NRDC: variants seen among roughly 807,000 people sequenced by gnomAD.
NRDC encodes nardilysin convertase.
A neutral mutation model predicts 147.1 loss-of-function variants in NRDC; 54 were observed. That is an observed-to-expected ratio of 0.37 (90% confidence interval 0.29 to 0.46). The LOEUF (loss-of-function observed/expected upper bound fraction) is 0.46. Among genes scored for constraint, NRDC ranks in the 20% least tolerant of loss-of-function variants. The pLI, the probability that NRDC is intolerant of heterozygous loss-of-function variation, is 1.00. For missense variants in NRDC, 1,082 were observed against 1,370.6 expected, an observed-to-expected ratio of 0.79 and a Z score of 3.33; for synonymous variants, 440 against 482.1, an observed-to-expected ratio of 0.91 and a Z score of 1.14.
chr1:51,831,661 C>T (rs1208413464), intron 4 of NRDC, among the ~76,000 whole-genome samples: 1 of 151,918 alleles, frequency 6.6e-6, no homozygotes, highest in Non-Finnish European at 1.5e-5. Context: ...TCACTGCAAC[C>T]TCCGTCTCCC....
At chr1:51,874,423 C>G (rs920952502) in intron 1 of NRDC, among the ~76,000 whole-genome samples, 11 of 152,050 alleles carry the variant, frequency 7.2e-5, no homozygotes, top group African/African-American at 2.7e-4. Context: ...TTGAGACCAG[C>G]CTAGGCAAAA....
At chr1:51,857,584 C>T (rs1378278428) in intron 1 of NRDC, among the ~76,000 whole-genome samples, 1 of 152,186 alleles carries the variant, frequency 6.6e-6, no homozygotes, top group East Asian at 1.9e-4. Flanking sequence ...GTGGTAAGTT[C>T]TCGCTGAGAT....
chr1:51,795,006 A>G (rs1327789047), intron 22 of NRDC, 152 bp from the exon 23 acceptor site: 8 of 1,502,170 alleles, frequency 5.3e-6, no homozygotes, highest in Non-Finnish European at 7.1e-6. Flanking sequence ...CAAGTTATTC[A>G]TTGACTGATT....
rs892243813 is a variant in NRDC, at chr1:51,821,105, T to C, written c.1217+393A>G. ...TTTTATGGGGAAAACCAGTGCAATA[T>C]CCAAACAACTGACTTAAAAAAAACA... On this transcript the variant is annotated intron_variant, in intron 8 of 30. Transcript: ENST00000352171. Among the ~76,000 whole-genome samples, 4 of 152,042 alleles carry C rather than the reference T, an allele frequency of 2.6e-5. 1 individual carries two copies. Among genetic ancestry groups the C allele is most frequent in the Admixed American group, 2.6e-4 (4 of 15,272 alleles).
At chr1:51,819,496 T>C (rs758561281) in intron 9 of NRDC, among the ~76,000 whole-genome samples, 1 of 152,064 alleles carries the variant, frequency 6.6e-6, no homozygotes, top group African/African-American at 2.4e-5. Flanking sequence ...GAGCAGAATA[T>C]AAATAAAATG....
chr1:51,846,098 G>A (rs1402245928), intron 1 of NRDC, among the ~76,000 whole-genome samples: 2 of 151,542 alleles, frequency 1.3e-5, no homozygotes, highest in African/African-American at 2.4e-5. Flanking sequence ...GAGATACAAA[G>A]ATATTTTACA....
At chr1:51,878,157 T>G (rs549429441) in intron 1 of NRDC, 118 bp downstream of exon 1, 2 of 1,438,566 alleles carry the variant, frequency 1.4e-6, no homozygotes, top group South Asian at 2.8e-5. Context: ...AGGAAGCATT[T>G]GGGGTGGAAA....
In NRDC at chr1:51,798,327, C is replaced by G. The variant is rs762203307; in HGVS notation, c.2526G>C (p.Glu842Asp). 6.2e-7 allele frequency: 1 copy of G among 1,614,100 alleles called. No individual in the cohort carries two copies. Among genetic ancestry groups the G allele is most frequent in the Non-Finnish European group, 8.5e-7 (1 of 1,179,986 alleles). The change falls in exon 22 of 31, where the codon GAG becomes GAC. Residue 842 changes from glutamate (E) to aspartate (D), a missense_variant. Around this residue, in one of 3 missense-constraint regions of NRDC, gnomAD observed 635 missense variants for 923.8 expected, o/e 0.69. Coordinates refer to ENST00000352171, the MANE Select transcript of NRDC (RefSeq NM_001101662.2). ...ATTCTTTGACGAAGCTCAGCAGAGA[C>G]TCAAGGGAAAGGCCGTCCATCAAAG... is the stretch of plus-strand genomic sequence containing the variant. Reference protein sequence around the residue: ...YQALMDGLSLESLLSFVKEFK... With the variant: ...YQALMDGLSLDSLLSFVKEFK...
At chr1:51,852,082 C>G (rs1405166427) in intron 1 of NRDC, among the ~76,000 whole-genome samples, 3 of 152,112 alleles carry the variant, frequency 2.0e-5, no homozygotes, top group African/African-American at 4.8e-5. Flanking sequence ...AGCTGAGAAA[C>G]TGAGGCTCTA....
chr1:51,863,324 C>T (rs945046949), intron 1 of NRDC, among the ~76,000 whole-genome samples: 1 of 152,038 alleles, frequency 6.6e-6, no homozygotes, highest in Non-Finnish European at 1.5e-5. Flanking sequence ...ATCACTTGAA[C>T]CCGGGAGGCA....
At chr1:51,808,865 T>C (rs1679585484) in intron 17 of NRDC, among the ~76,000 whole-genome samples, 1 of 152,234 alleles carries the variant, frequency 6.6e-6, no homozygotes, top group South Asian at 2.1e-4. Flanking sequence ...ACTTTGCTAT[T>C]TTCTATTCTA....
At chr1:51,830,437 TTG>T (rs1290506524) in intron 4 of NRDC, among the ~76,000 whole-genome samples, 4 of 152,174 alleles carry the variant, frequency 2.6e-5, no homozygotes, top group African/African-American at 9.7e-5. Flanking sequence ...GAAAAAATAT[TTG>T]TAACAATTTA....
chr1:51,845,593 A>C (rs1681517112), intron 1 of NRDC, among the ~76,000 whole-genome samples: 2 of 151,590 alleles, frequency 1.3e-5, no homozygotes, highest in South Asian at 4.2e-4. Flanking sequence ...ACTCCGTCAC[A>C]AAAAAAAGAA....
At chr1:51,871,827 G>C (rs1683098644) in intron 1 of NRDC, among the ~76,000 whole-genome samples, 1 of 152,088 alleles carries the variant, frequency 6.6e-6, no homozygotes, top group African/African-American at 2.4e-5. Flanking sequence ...AAGCAAAAGA[G>C]CTTTTACCAT....
chr1:51,868,259 A>T (rs1216468435), intron 1 of NRDC, among the ~76,000 whole-genome samples: 2 of 152,214 alleles, frequency 1.3e-5, no homozygotes, highest in Admixed American at 6.5e-5. Flanking sequence ...GGGCCACACA[A>T]GAGTCACTAA....
At chr1:51,868,157 TC>T (rs1233745243) in intron 1 of NRDC, among the ~76,000 whole-genome samples, 1 of 151,946 alleles carries the variant, frequency 6.6e-6, no homozygotes, top group African/African-American at 2.4e-5. Context: ...AGAAACAAAT[TC>T]TCTCCCTTCA....
rs563832716 is a variant in NRDC, at chr1:51,828,059, T to C, written c.867-190A>G. On this transcript the variant is annotated intron_variant, in intron 4 of 30. Transcript: ENST00000352171. ...TTACTTTAACTTTTTCATTGTGAAA[T>C]ATATTTAATAACAATCATACAGAAA... Among the ~76,000 whole-genome samples, 5 of 152,352 alleles carry C rather than the reference T, an allele frequency of 3.3e-5. No individual in the cohort carries two copies. The South Asian group carries it at 1.0e-3, about 32-fold the overall frequency.
chr1:51,849,506 A>C (rs1681829647), intron 1 of NRDC, among the ~76,000 whole-genome samples: 1 of 152,012 alleles, frequency 6.6e-6, no homozygotes, highest in Non-Finnish European at 1.5e-5. Context: ...CAAAACACAC[A>C]AAAATGCCAA....
At chr1:51,827,908 A>T in intron 4 of NRDC, 39 bp from the exon 5 acceptor site, 1 of 1,500,760 alleles carries the variant, frequency 6.7e-7, no homozygotes, top group African/African-American at 1.4e-5. Flanking sequence ...GTTTTTGTTC[A>T]CTTTCATCAA....
Sources: allele counts gnomAD v4.1 joint callset (sites outside exome capture counted in the v4.1 genomes callset), GRCh38; gene constraint gnomAD v4.1.1; regional missense constraint gnomAD v4.1.1; transcripts MANE v1.5; gene names NCBI Gene and HGNC (gene_info 2026-07-23, HGNC 2026-07-21).